Variants in OXR1 observed in about 807,000 individuals in gnomAD.
OXR1 encodes oxidation resistance protein 1.
OXR1 carries 41 observed loss-of-function variants against 104.6 expected under a neutral mutation model. The ratio of observed to expected loss-of-function variants is 0.39; its 90% CI spans 0.31 to 0.51. The LOEUF is 0.51. OXR1 is among the 20% of genes least tolerant of loss of function. The pLI is 0.77. For missense variants in OXR1, 955 were observed against 1,031.9 expected (o/e 0.93, Z 1.02); for synonymous variants, 348 against 348.4 (o/e 1.00, Z 0.01).
chr8:106,677,173 G>A (rs1335528405), intron 3 of OXR1, among the ~76,000 whole-genome samples: 2 of 151,912 alleles, frequency 1.3e-5, no homozygotes, highest in Non-Finnish European at 2.9e-5. Flanking sequence ...TGCTTGAGAA[G>A]TTTAAATTGC....
chr8:106,697,358 C>A, intron 7 of OXR1: 2 of 1,135,694 alleles, frequency 1.8e-6, no homozygotes, highest in Admixed American at 2.2e-5. Flanking sequence ...AATGTCACTG[C>A]TAAAATATAT....
chr8:106,281,211 AGGCCCAGGTCCATGG>A, intron 1 of OXR1, among the ~76,000 whole-genome samples: 1 of 152,308 alleles, frequency 6.6e-6, no homozygotes, highest in East Asian at 1.9e-4. Context: ...AGCCAGCCCA[AGGCCCAGGTCCATGG>A]GGCCTAAGAC....
intron 1 of OXR1, among the ~76,000 whole-genome samples, chr8:106,357,917 C>T (rs898098894): frequency 3.3e-5 from 5 of 152,122 alleles, no homozygotes; most frequent in African/African-American, 1.2e-4. Context: ...AGTTTTCTGC[C>T]AGTATCCACT....
chr8:106,611,597 G>A (rs1364242662), intron 3 of OXR1, among the ~76,000 whole-genome samples: 1 of 152,178 alleles, frequency 6.6e-6, no homozygotes, highest in Non-Finnish European at 1.5e-5. Context: ...TGTCAGAAAG[G>A]TAGAAGTAAG....
At chr8:106,718,843 A>C (rs1410101636) in intron 11 of OXR1, among the ~76,000 whole-genome samples, 2 of 151,828 alleles carry the variant, frequency 1.3e-5, no homozygotes, top group Non-Finnish European at 2.9e-5. Context: ...CACCTCAAAA[A>C]AAAAAAAAAG....
chr8:106,502,272 G>A (rs905783125), intron 2 of OXR1, among the ~76,000 whole-genome samples: 2 of 152,116 alleles, frequency 1.3e-5, no homozygotes, highest in African/African-American at 4.8e-5. Flanking sequence ...GGGCCTCACA[G>A]TTTTCTTTTG....
chr8:106,644,815 CA>C (rs1444088093), intron 3 of OXR1, among the ~76,000 whole-genome samples: 2 of 152,194 alleles, frequency 1.3e-5, no homozygotes, highest in African/African-American at 4.8e-5. Context: ...ACTAAAGTAG[CA>C]GGCCGCAAAC....
chr8:106,523,806 G>T (rs1161919952), intron 3 of OXR1, among the ~76,000 whole-genome samples: 1 of 149,634 alleles, frequency 6.7e-6, no homozygotes, highest in Non-Finnish European at 1.5e-5. Context: ...ACGGAGTCTC[G>T]CTCTGTTGCC....
chr8:106,466,387 CT>C (rs1342990169), intron 2 of OXR1, among the ~76,000 whole-genome samples: 1 of 151,682 alleles, frequency 6.6e-6, no homozygotes. Context: ...AGAGGGACTT[CT>C]TTTTCAATGC....
chr8:106,333,612 A>C (rs1218893089), intron 1 of OXR1, among the ~76,000 whole-genome samples: 1 of 152,092 alleles, frequency 6.6e-6, no homozygotes, highest in Non-Finnish European at 1.5e-5. Flanking sequence ...CGTAGTTTTA[A>C]TTCTTACACT....
rs1587254262 is a variant in OXR1, at chr8:106,726,186, T to TACA, written c.1957-11334_1957-11333insACA. The TACA allele has an allele frequency of 2.7e-6, 4 of 1,493,550 alleles. No individual in the cohort carries two copies. In the East Asian group the frequency reaches 1.0e-4, roughly 38 times the overall value. 92.5% of individuals were successfully genotyped at this position (1,493,550 alleles called of 1,614,324 possible). On this transcript the variant is annotated intron_variant, in intron 11 of 16. Transcript: ENST00000517566. ...AAATTTATCTTTGACAGAGGAAGAA[T>TACA]GCTTTTGAAAACAGTTCTTACGTGA...
At chr8:106,659,654 A>G (rs28921377) in intron 3 of OXR1, among the ~76,000 whole-genome samples, 2,433 of 152,330 alleles carry the variant, frequency 0.016, 36 homozygotes, top group Admixed American at 0.047. Flanking sequence ...GGGGTAACTT[A>G]ACTAAAAAGG....
intron 6 of OXR1, among the ~76,000 whole-genome samples, chr8:106,689,687 GGTTAA>G (rs1162904979): frequency 1.3e-5 from 2 of 151,938 alleles, no homozygotes; most frequent in South Asian, 2.1e-4. Context: ...TATGTTGAAG[GGTTAA>G]GTTAATTTCT....
chr8:106,730,628 G>A (rs1359867059), intron 11 of OXR1, among the ~76,000 whole-genome samples: 1 of 152,004 alleles, frequency 6.6e-6, no homozygotes, highest in African/African-American at 2.4e-5. Flanking sequence ...CCATTCACCT[G>A]GTAAAGGACA....
At chr8:106,733,857 A>G (rs913109841) in intron 11 of OXR1, among the ~76,000 whole-genome samples, 2 of 151,130 alleles carry the variant, frequency 1.3e-5, no homozygotes, top group Non-Finnish European at 3.0e-5. Flanking sequence ...GAAAAAAAAA[A>G]GGATATGGGG....
chr8:106,668,168 A>G (rs377531073), intron 3 of OXR1, among the ~76,000 whole-genome samples: 4 of 152,196 alleles, frequency 2.6e-5, no homozygotes, highest in East Asian at 3.9e-4. Context: ...TTTTTCAACC[A>G]CTTTTTTATA....
intron 2 of OXR1, among the ~76,000 whole-genome samples, chr8:106,415,874 G>A (rs1286697420): frequency 1.3e-5 from 2 of 152,056 alleles, no homozygotes; most frequent in Non-Finnish European, 2.9e-5. Context: ...GCATAGCATG[G>A]CATCTTGGCT....
chr8:106,382,538 G>A lies in OXR1; in HGVS notation c.23+22902G>A, dbSNP rs569744105. On this transcript the variant is annotated intron_variant, in intron 2 of 16. Transcript: ENST00000517566. ...CAGGCCTTCTGAACAGCATTTTTGCGCTTGTTAGGACCTAGGCTTCCTGCT... is the reference window on the plus strand; with the variant it reads ...CAGGCCTTCTGAACAGCATTTTTGCACTTGTTAGGACCTAGGCTTCCTGCT... 5.3e-5 allele frequency among the ~76,000 whole-genome samples: 8 copies of A among 152,108 alleles called. No individual in the cohort carries two copies. The South Asian group carries it at 1.0e-3, about 20-fold the overall frequency.
intron 2 of OXR1, among the ~76,000 whole-genome samples, chr8:106,480,701 C>T (rs1373130684): frequency 6.6e-6 from 1 of 151,934 alleles, no homozygotes; most frequent in Non-Finnish European, 1.5e-5. Flanking sequence ...TGGCTTTATG[C>T]ATCCCTTCCG....
Sources: allele counts gnomAD v4.1 joint callset (sites outside exome capture counted in the v4.1 genomes callset), GRCh38; gene constraint gnomAD v4.1.1; transcripts MANE v1.5; gene names NCBI Gene and HGNC (gene_info 2026-07-23, HGNC 2026-07-21).